The following DPF3 variants were observed in gnomAD, a reference collection of about 807,000 sequenced individuals.
DPF3 encodes the protein zinc finger protein DPF3.
A neutral mutation model predicts 56.8 loss-of-function variants in DPF3; 18 were observed. That is an observed-to-expected ratio of 0.32 (90% CI 0.22 to 0.47). DPF3 has a LOEUF of 0.47. DPF3 is among the 20% of genes least tolerant of loss of function. The probability of loss-of-function intolerance (pLI) is 1.00; values close to 1 mark genes in which losing one functional copy is unlikely to be tolerated. For missense variants in DPF3, 403 were observed against 488.8 expected, an observed-to-expected ratio of 0.82 and a Z score of 1.65; for synonymous variants, 188 against 180.2, an observed-to-expected ratio of 1.04 and a Z score of -0.35.
At chr14:72,748,797 A>C (rs972578602) in intron 3 of DPF3, among the ~76,000 whole-genome samples, 1 of 152,220 alleles carries the variant, frequency 6.6e-6, no homozygotes, top group African/African-American at 2.4e-5. Context: ...AGCCTTGACA[A>C]ATTCCATGTG....
chr14:72,671,121 G>C lies in DPF3; in HGVS notation c.871+3119C>G, dbSNP rs369605511. The C allele has an allele frequency of 1.2e-5, 19 of 1,613,432 alleles. No individual in the cohort carries two copies. In the African/African-American group the frequency reaches 2.4e-4, roughly 20 times the overall value. On this transcript the variant is annotated intron_variant, in intron 8 of 10. Coordinates refer to ENST00000556509, the MANE Select transcript of DPF3 (RefSeq NM_001280542.3). ...AGGGGGATGGCTAATTGCCCAGAGA[G>C]TCTGTTCCGTGGGTTTAGCAACTGC...
intron 5 of DPF3, among the ~76,000 whole-genome samples, chr14:72,721,504 T>C (rs1477333433): frequency 2.0e-5 from 3 of 152,070 alleles, no homozygotes; most frequent in Non-Finnish European, 4.4e-5. Flanking sequence ...TTTAATACCC[T>C]CCCCTCCGTG....
intron 4 of DPF3, among the ~76,000 whole-genome samples, chr14:72,728,569 T>C (rs1265134446): frequency 6.6e-6 from 1 of 152,106 alleles, no homozygotes; most frequent in Non-Finnish European, 1.5e-5. Context: ...TAGCAGAGTT[T>C]TGCTCTAGAA....
intron 4 of DPF3, among the ~76,000 whole-genome samples, chr14:72,730,455 C>T (rs79948883): frequency 0.012 from 1,839 of 152,216 alleles, 39 homozygotes; most frequent in African/African-American, 0.043. Context: ...ACGGGAATGG[C>T]GGAGAAGAAG....
At chr14:72,736,733 T>A (rs1037037245) in intron 3 of DPF3, among the ~76,000 whole-genome samples, 1 of 152,148 alleles carries the variant, frequency 6.6e-6, no homozygotes, top group Non-Finnish European at 1.5e-5. Flanking sequence ...CCAATTTTAT[T>A]TGAATATGGC....
At chr14:72,876,434 G>A (rs564350386) in intron 1 of DPF3, among the ~76,000 whole-genome samples, 1 of 152,102 alleles carries the variant, frequency 6.6e-6, no homozygotes, top group Non-Finnish European at 1.5e-5. Context: ...TTTGGACGAT[G>A]AGGAGTATGA....
intron 1 of DPF3, among the ~76,000 whole-genome samples, chr14:72,839,845 C>A (rs891386137): frequency 1.3e-5 from 2 of 152,158 alleles, no homozygotes; most frequent in Non-Finnish European, 2.9e-5. Flanking sequence ...GAGGGCCCCA[C>A]GGGAATCTCA....
In DPF3 at chr14:72,656,564, G is replaced by T. The variant is rs1022115755; in HGVS notation, c.871+17676C>A. On this transcript the variant is annotated intron_variant, in intron 8 of 10. Coordinates refer to ENST00000556509, the MANE Select transcript of DPF3 (RefSeq NM_001280542.3). ...ATCAGGTAACCAAACGATGTGTGTC[G>T]TTCACACAATGTTTAATAAAATACA... Among the ~76,000 whole-genome samples the T allele has an allele frequency of 7.9e-5, 12 of 152,198 alleles. No homozygotes were observed. In the East Asian group the frequency reaches 2.3e-3, roughly 29 times the overall value.
chr14:72,700,165 G>A (rs2153573917), intron 6 of DPF3, among the ~76,000 whole-genome samples: 1 of 152,298 alleles, frequency 6.6e-6, no homozygotes, highest in East Asian at 1.9e-4. Context: ...TTGAAATCCT[G>A]CTTTGACTGG....
chr14:72,726,248 G>T (rs570415211), intron 4 of DPF3, among the ~76,000 whole-genome samples: 29 of 152,338 alleles, frequency 1.9e-4, no homozygotes, highest in African/African-American at 6.7e-4. Context: ...ATCATGGTAA[G>T]TTCCAAGTGC....
chr14:72,677,662 G>A (rs1046907854), intron 7 of DPF3, among the ~76,000 whole-genome samples: 1 of 152,126 alleles, frequency 6.6e-6, no homozygotes, highest in African/African-American at 2.4e-5. Flanking sequence ...TTAGTGGGTG[G>A]CACAGTGATG....
intron 8 of DPF3, among the ~76,000 whole-genome samples, chr14:72,633,890 T>C (rs1044523354): frequency 1.3e-5 from 2 of 152,198 alleles, no homozygotes; most frequent in Non-Finnish European, 2.9e-5. Flanking sequence ...TGCTGAGCTA[T>C]GAAGACATTT....
chr14:72,893,565 C>T lies in DPF3; in HGVS notation c.32+492G>A, dbSNP rs557026345. Among the ~76,000 whole-genome samples, 7 of 152,158 alleles carry T rather than the reference C, an allele frequency of 4.6e-5. No individual in the cohort carries two copies. The South Asian group carries it at 1.2e-3, about 27-fold the overall frequency. ...TGCAAACTCCGGAGCCTCCGCGGTC[C>T]GTCCGCTGGACCCAGCGGACCCAGC... is the stretch of plus-strand genomic sequence containing the variant. On this transcript the variant is annotated intron_variant, in intron 1 of 10. Transcript: ENST00000556509.
At chr14:72,670,749 T>C in intron 8 of DPF3, 1 of 1,021,794 alleles carries the variant, frequency 9.8e-7, no homozygotes. Context: ...CCAAAGTTCC[T>C]CTTCTCTTCC....
intron 1 of DPF3, among the ~76,000 whole-genome samples, chr14:72,808,303 T>A (rs73304112): frequency 6.6e-6 from 1 of 152,078 alleles, no homozygotes; most frequent in Non-Finnish European, 1.5e-5. Flanking sequence ...CACTACAGCA[T>A]CCAAACATCC....
intron 3 of DPF3, among the ~76,000 whole-genome samples, chr14:72,732,954 C>A (rs1422250178): frequency 6.6e-6 from 1 of 150,844 alleles, no homozygotes; most frequent in Non-Finnish European, 1.5e-5. Context: ...CTTTTAGAGA[C>A]AGGGTCTTAC....
In DPF3 at chr14:72,609,261, C is replaced by T. The variant is rs1467326277; in HGVS notation, c.*10036G>A. Among the ~76,000 whole-genome samples, 3 of 152,134 alleles carry T rather than the reference C, an allele frequency of 2.0e-5. No homozygotes were observed. The highest frequency in any genetic ancestry group is 2.9e-5 in the Non-Finnish European group (2 of 68,032). The stretch of plus-strand genomic sequence containing the variant: ...ATCCCCACATTCTTCATCTCATCAG[C>T]GACAGGTCTCCCTCCCAGAACCCCA... On this transcript the variant is annotated 3_prime_UTR_variant, in exon 11 of 11. Transcript: ENST00000556509.
intron 1 of DPF3, among the ~76,000 whole-genome samples, chr14:72,774,330 T>C (rs1318249169): frequency 2.0e-5 from 3 of 150,004 alleles, no homozygotes; most frequent in East Asian, 2.0e-4. Flanking sequence ...AGGAGTAGAA[T>C]TGCTGAGTCA....
At chr14:72,649,585 T>C (rs1885834859) in intron 8 of DPF3, among the ~76,000 whole-genome samples, 1 of 143,754 alleles carries the variant, frequency 7.0e-6, no homozygotes, top group South Asian at 2.2e-4. Flanking sequence ...TTCTTGCTTA[T>C]TCAGGAGCTT....
Sources: allele counts gnomAD v4.1 joint callset (sites outside exome capture counted in the v4.1 genomes callset), GRCh38; gene constraint gnomAD v4.1.1; transcripts MANE v1.5; gene names NCBI Gene and HGNC (gene_info 2026-07-23, HGNC 2026-07-21).